Variants in PAWR observed in about 807,000 individuals in gnomAD.
PAWR encodes the protein pro-apoptotic WT1 regulator, also known as PRKC apoptosis WT1 regulator protein.
Under a neutral mutation model 32.0 loss-of-function variants are expected in PAWR, and 23 were observed. The observed-to-expected ratio is 0.72, with a 90% CI of 0.52 to 1.02. The LOEUF is 1.02. PAWR is among the 50% of genes least tolerant of loss of function. The pLI, the probability that PAWR is intolerant of heterozygous loss-of-function variation, is 0.00. For missense variants in PAWR, 457 were observed against 437.7 expected (o/e 1.04, Z -0.39); for synonymous variants, 226 against 187.1 (o/e 1.21, Z -1.70).
intron 2 of PAWR, among the ~76,000 whole-genome samples, chr12:79,664,998 A>G (rs963668170): frequency 6.6e-6 from 1 of 152,146 alleles, no homozygotes; most frequent in African/African-American, 2.4e-5. Context: ...ACCATTTTCC[A>G]AAAGTCAACA....
intron 2 of PAWR, among the ~76,000 whole-genome samples, chr12:79,628,056 A>G (rs1363010295): frequency 2.0e-5 from 3 of 152,220 alleles, no homozygotes; most frequent in Non-Finnish European, 4.4e-5. Context: ...CATAGTTAGA[A>G]GTAAAGCACT....
chr12:79,672,998 TTAA>T (rs1877983718), intron 2 of PAWR, among the ~76,000 whole-genome samples: 1 of 152,190 alleles, frequency 6.6e-6, no homozygotes, highest in African/African-American at 2.4e-5. Context: ...AAATGATTAC[TTAA>T]TATTATCAAA....
At chr12:79,613,933 A>T (rs868122110) in intron 3 of PAWR, among the ~76,000 whole-genome samples, 116 of 2,788 alleles carry the variant, frequency 0.042, 1 homozygote, top group African/African-American at 0.11. Context: ...TACCACCATT[A>T]TATATATATA....
At chr12:79,644,449 T>C (rs987394684) in intron 2 of PAWR, among the ~76,000 whole-genome samples, 1 of 152,188 alleles carries the variant, frequency 6.6e-6, no homozygotes, top group Non-Finnish European at 1.5e-5. Context: ...ACGTTACTGT[T>C]GAGCCAGTCA....
chr12:79,677,781 A>G (rs1268542254), intron 2 of PAWR, among the ~76,000 whole-genome samples: 1 of 152,330 alleles, frequency 6.6e-6, no homozygotes, highest in East Asian at 1.9e-4. Flanking sequence ...GGCAATTCCC[A>G]TCCTTAAGCA....
chr12:79,685,756 T>C (rs1315993359), intron 2 of PAWR, among the ~76,000 whole-genome samples: 2 of 152,214 alleles, frequency 1.3e-5, no homozygotes, highest in African/African-American at 4.8e-5. Flanking sequence ...CTTTACTGTT[T>C]TCCTCATTCA....
chr12:79,660,600 T>G (rs1877301905), intron 2 of PAWR, among the ~76,000 whole-genome samples: 1 of 151,398 alleles, frequency 6.6e-6, no homozygotes, highest in Non-Finnish European at 1.5e-5. Context: ...TTTTTTTTTT[T>G]TGAGATGGAG....
At position 79,620,926 on chromosome 12, in the gene PAWR, T is replaced by C; in HGVS notation, c.648+150A>G. On this transcript the variant is annotated intron_variant, in intron 3 of 6. Coordinates refer to ENST00000328827, the MANE Select transcript of PAWR (RefSeq NM_002583.4). ...GTTCATGCTTACGGTGAGCCCAACATGTGATGTCAGAACCCACTTATGGTA... is the reference window on the plus strand; with the variant it reads ...GTTCATGCTTACGGTGAGCCCAACACGTGATGTCAGAACCCACTTATGGTA... 1.1e-5 allele frequency: 7 copies of C among 615,754 alleles called. No homozygotes were observed. The South Asian group carries it at 1.5e-4, about 13-fold the overall frequency. 38.1% of individuals were successfully genotyped at this position (615,754 alleles called of 1,614,324 possible).
chr12:79,624,744 TAAGAG>T (rs1248007081), intron 2 of PAWR, among the ~76,000 whole-genome samples: 3 of 152,220 alleles, frequency 2.0e-5, no homozygotes, highest in Admixed American at 6.5e-5. Flanking sequence ...CTGCCATACT[TAAGAG>T]AAGTGGATTC....
rs1353554337 is a variant in PAWR, at chr12:79,690,135, G to T, written c.110C>A (p.Pro37Gln). ...REKMRAKQNP[P>Q]GPAPPGGGSS... ...GCCCCCTCCCGGGGGGGCCGGGCCC[G>T]GGGGGTTCTGCTTGGCGCGCATCTT... is the stretch of plus-strand genomic sequence containing the variant. The change falls in exon 2 of 7, where the codon CCG (proline) becomes CAG (glutamine). Residue 37 changes from proline (P) to glutamine (Q), a missense_variant. Pro to Gln is a moderately conservative substitution (Grantham distance 76, BLOSUM62 -1). Coordinates refer to ENST00000328827, the MANE Select transcript of PAWR (RefSeq NM_002583.4). 2 of 1,514,676 alleles carry T rather than the reference G, an allele frequency of 1.3e-6. No homozygotes were observed. Among genetic ancestry groups the T allele is most frequent in the African/African-American group, 1.4e-5 (1 of 69,848 alleles). 93.8% of individuals were successfully genotyped at this position (1,514,676 alleles called of 1,614,324 possible). A position where few individuals can be genotyped will look rare whatever the true frequency, so the allele number is the denominator to read the frequency against.
rs534861186 is a variant in PAWR at position 79,596,633 on chromosome 12, C to A, written c.709G>T (p.Val237Phe). Residue 237 changes from valine to phenylalanine, a missense_variant, in exon 5 of 7, where the codon GTC (valine) becomes TTC (phenylalanine). Physicochemically the swap from Val to Phe is conservative, Grantham distance 50. Coordinates refer to ENST00000328827, the MANE Select transcript of PAWR (RefSeq NM_002583.4). ...KSTTSVSEED[V>F]SSRYSRTDRS... Reference sequence around the variant, plus strand: ...TCTGTTCGAGAATATCTACTTGAGACATCTTCTTCAGAGACACTGGTTGTG... The same window carrying A: ...TCTGTTCGAGAATATCTACTTGAGAAATCTTCTTCAGAGACACTGGTTGTG... 5 of 1,597,974 alleles carry A rather than the reference C, an allele frequency of 3.1e-6. No homozygotes were observed. The Admixed American group carries it at 8.6e-5, about 28-fold the overall frequency.
chr12:79,668,870 G>A (rs1877746337), intron 2 of PAWR, among the ~76,000 whole-genome samples: 1 of 152,152 alleles, frequency 6.6e-6, no homozygotes, highest in Admixed American at 6.5e-5. Flanking sequence ...AATATAAGGA[G>A]AGGAATCCAG....
chr12:79,646,787 C>T (rs1429320223), intron 2 of PAWR, among the ~76,000 whole-genome samples: 1 of 152,116 alleles, frequency 6.6e-6, no homozygotes, highest in Non-Finnish European at 1.5e-5. Context: ...CTTTAATATA[C>T]ATTAAAAATG....
At chr12:79,624,102 T>G (rs1875163276) in intron 2 of PAWR, among the ~76,000 whole-genome samples, 1 of 152,116 alleles carries the variant, frequency 6.6e-6, no homozygotes, top group Admixed American at 6.6e-5. Context: ...CAAAAATCCC[T>G]CACCTAGGCT....
chr12:79,655,791 T>A (rs1317159355), intron 2 of PAWR, among the ~76,000 whole-genome samples: 1 of 152,204 alleles, frequency 6.6e-6, no homozygotes, highest in East Asian at 1.9e-4. Flanking sequence ...CTGCCTCCAA[T>A]TCAGAATATT....
chr12:79,598,671 C>T (rs1873851164), intron 4 of PAWR, among the ~76,000 whole-genome samples: 1 of 152,070 alleles, frequency 6.6e-6, no homozygotes, highest in African/African-American at 2.4e-5. Context: ...TGTGCAATAC[C>T]AAGATCACCA....
At chr12:79,601,290 T>A (rs1873952676) in intron 4 of PAWR, among the ~76,000 whole-genome samples, 1 of 145,076 alleles carries the variant, frequency 6.9e-6, no homozygotes, top group African/African-American at 2.5e-5. Flanking sequence ...CAATCATAGC[T>A]CACTGTAAAT....
chr12:79,675,134 T>C (rs773289051), intron 2 of PAWR, among the ~76,000 whole-genome samples: 2 of 152,142 alleles, frequency 1.3e-5, no homozygotes, highest in Non-Finnish European at 2.9e-5. Context: ...TCACAGCACT[T>C]TGGAGGCCAA....
intron 2 of PAWR, among the ~76,000 whole-genome samples, chr12:79,664,664 G>GC (rs886744048): frequency 2.0e-5 from 3 of 148,676 alleles, no homozygotes; most frequent in Admixed American, 6.7e-5. Flanking sequence ...TTGGCGGGGG[G>GC]GGGAGGAGAG....
Sources: allele counts gnomAD v4.1 joint callset (sites outside exome capture counted in the v4.1 genomes callset), GRCh38; gene constraint gnomAD v4.1.1; transcripts MANE v1.5; gene names NCBI Gene and HGNC (gene_info 2026-07-23, HGNC 2026-07-21).